The following MAP3K1 variants were observed in gnomAD, a reference collection of about 807,000 sequenced individuals.
The protein encoded by MAP3K1 is MAP/ERK kinase kinase 1.
A neutral mutation model predicts 144.2 loss-of-function variants in MAP3K1; 36 were observed. That is an observed-to-expected ratio of 0.25 (90% CI 0.19 to 0.33). MAP3K1 has a LOEUF of 0.33. Ranked by LOEUF, MAP3K1 falls within the 10% of genes least tolerant of loss-of-function variation. MAP3K1 has a pLI of 1.00. For missense variants in MAP3K1, 1,650 were observed against 1,881.9 expected, an observed-to-expected ratio of 0.88 and a Z score of 2.28; for synonymous variants, 718 against 688.7, an observed-to-expected ratio of 1.04 and a Z score of -0.67.
intron 14 of MAP3K1, among the ~76,000 whole-genome samples, chr5:56,883,258 G>A (rs1047783375): frequency 6.6e-6 from 1 of 152,214 alleles, no homozygotes; most frequent in Admixed American, 6.5e-5. Flanking sequence ...ACATTCAGAA[G>A]CAGAGTTTTC....
intron 1 of MAP3K1, among the ~76,000 whole-genome samples, chr5:56,827,865 A>G (rs1295520735): frequency 1.2e-4 from 16 of 132,378 alleles, no homozygotes; most frequent in Non-Finnish European, 2.5e-4. Flanking sequence ...ACTCCATCTC[A>G]AAAAAAAAAA....
In MAP3K1 at chr5:56,871,826, T is replaced by TA. The variant is rs1372965212; in HGVS notation, c.1302-82dup. ...AAGAATTTCTAATGTATTTATATTC[T>TA]AAGCAAGCAGAAAGTGTTTTTAGCA... On this transcript the variant is annotated intron_variant, in intron 6 of 19. Transcript: ENST00000399503. 2.3e-6 allele frequency: 3 copies of TA among 1,295,090 alleles called. No homozygotes were observed. The African/African-American group carries it at 4.4e-5, about 19-fold the overall frequency. 80.2% of individuals were successfully genotyped at this position (1,295,090 alleles called of 1,614,324 possible). A position where few individuals can be genotyped will look rare whatever the true frequency, so the allele number is the denominator to read the frequency against.
chr5:56,840,133 C>T (rs914906760), intron 1 of MAP3K1, among the ~76,000 whole-genome samples: 16 of 151,990 alleles, frequency 1.1e-4, no homozygotes, highest in African/African-American at 3.9e-4. Flanking sequence ...CTTAAATAAG[C>T]GTTTTGTTTG....
chr5:56,849,624 T>G (rs1037080931), intron 1 of MAP3K1, among the ~76,000 whole-genome samples: 1 of 152,190 alleles, frequency 6.6e-6, no homozygotes, highest in Admixed American at 6.5e-5. Context: ...GATGGAAGAT[T>G]CGCCCTTCCA....
intron 10 of MAP3K1, among the ~76,000 whole-genome samples, chr5:56,877,285 GTGTTACTCT>G (rs1365168260): frequency 6.6e-6 from 1 of 152,136 alleles, no homozygotes; most frequent in Non-Finnish European, 1.5e-5. Flanking sequence ...AGCCTTTGCT[GTGTTACTCT>G]TTTTGTACAC....
Position 56,828,809 on chromosome 5 carries a change from TA to T in MAP3K1, c.482+12760del, listed in dbSNP as rs201457362. ...AAGGGACATTTTTGGATATAACCTC[TA>T]AAAAAGCTTCTTCTTTGACTTCTTC... On this transcript the variant is annotated intron_variant, in intron 1 of 19. Coordinates refer to ENST00000399503, the MANE Select transcript of MAP3K1 (RefSeq NM_005921.2). Among the ~76,000 whole-genome samples, 1,111 of 152,284 alleles carry T rather than the reference TA, an allele frequency of 7.3e-3. 21 individuals carry two copies. The highest frequency in any genetic ancestry group is 0.024 in the African/African-American group (1,012 of 41,552).
intron 19 of MAP3K1, among the ~76,000 whole-genome samples, chr5:56,892,975 TTAAA>T (rs1748592493): frequency 3.5e-5 from 1 of 28,176 alleles, no homozygotes; most frequent in Non-Finnish European, 1.0e-4. Context: ...TTCTTTTTTT[TTAAA>T]AAAAAAGTAT....
chr5:56,822,917 G>A (rs1746197666), intron 1 of MAP3K1, among the ~76,000 whole-genome samples: 1 of 152,052 alleles, frequency 6.6e-6, no homozygotes, highest in African/African-American at 2.4e-5. Context: ...CCATCCTTAG[G>A]TGCTGGCAGT....
At chr5:56,847,066 T>G (rs1364867268) in intron 1 of MAP3K1, among the ~76,000 whole-genome samples, 2 of 152,250 alleles carry the variant, frequency 1.3e-5, no homozygotes, top group African/African-American at 4.8e-5. Context: ...CTTATTTTCT[T>G]TCTGGAACTA....
intron 3 of MAP3K1, among the ~76,000 whole-genome samples, chr5:56,860,840 C>T (rs913614084): frequency 1.3e-5 from 2 of 150,582 alleles, no homozygotes; most frequent in South Asian, 4.2e-4. Context: ...GCGACAACAG[C>T]GAAACTCCAT....
At chr5:56,865,265 G>T in intron 4 of MAP3K1, 75 bp from the exon 5 acceptor site, 1 of 887,342 alleles carries the variant, frequency 1.1e-6, no homozygotes, top group Non-Finnish European at 1.9e-6. Context: ...TGGAAATATT[G>T]TAAAAGTGAT....
At chr5:56,873,830 A>T (rs1747934919) in intron 9 of MAP3K1, among the ~76,000 whole-genome samples, 1 of 152,174 alleles carries the variant, frequency 6.6e-6, no homozygotes. Context: ...GCATATTAGC[A>T]ACCCATTTAT....
At chr5:56,890,443 C>T (rs1480804941) in intron 19 of MAP3K1, among the ~76,000 whole-genome samples, 1 of 152,162 alleles carries the variant, frequency 6.6e-6, no homozygotes, top group African/African-American at 2.4e-5. Context: ...CACCCCAAAG[C>T]TTTCTCAAAC....
In MAP3K1 at chr5:56,881,061, A is replaced by C; in HGVS notation, c.2180-22A>C. 2.5e-6 allele frequency: 4 copies of C among 1,581,140 alleles called. No individual in the cohort carries two copies. In the South Asian group the frequency reaches 4.5e-5, roughly 18 times the overall value. The stretch of plus-strand genomic sequence containing the variant: ...TAATATCACTATTTTTTAATCATTT[A>C]TTTTTACTTTCCTTTTTGTAGGATC... On this transcript the variant is annotated intron_variant, in intron 12 of 19. Coordinates refer to ENST00000399503, the MANE Select transcript of MAP3K1 (RefSeq NM_005921.2).
At chr5:56,863,538 ATTAG>A (rs1265741872) in intron 3 of MAP3K1, among the ~76,000 whole-genome samples, 6 of 152,176 alleles carry the variant, frequency 3.9e-5, no homozygotes, top group African/African-American at 1.4e-4. Flanking sequence ...TTGTTTATCT[ATTAG>A]TTGATGGACA....
At chr5:56,875,453 A>C in intron 10 of MAP3K1, 143 bp downstream of exon 10, 1 of 844,712 alleles carries the variant, frequency 1.2e-6, no homozygotes, top group Non-Finnish European at 1.9e-6. Context: ...AATTCCAGGA[A>C]ATTACAGCTT....
Position 56,815,899 on chromosome 5 carries a change from C to G in MAP3K1, c.326C>G (p.Ala109Gly). 1 of 1,307,920 alleles carries G rather than the reference C, an allele frequency of 7.6e-7. No homozygotes were observed. The highest frequency in any genetic ancestry group is 3.7e-5 in the Admixed American group (1 of 26,930). The allele number at this position is 1,307,920 out of a possible 1,614,324, so 81.0% of individuals were successfully genotyped here. ...AGSGTGFQPV[A>G]VPPPHGAASR... ...AGTGGGACCGGCTTCCAGCCTGTGG[C>G]GGTGCCGCCGCCCCACGGAGCCGCG... The change falls in exon 1 of 20, where the codon GCG (alanine) becomes GGG (glycine). Residue 109 changes from alanine (A) to glycine (G), a missense_variant. Physicochemically the swap from Ala to Gly is moderately conservative, Grantham distance 60 (BLOSUM62 0). Coordinates refer to ENST00000399503, the MANE Select transcript of MAP3K1 (RefSeq NM_005921.2).
chr5:56,852,577 T>C (rs1274152253), intron 1 of MAP3K1, among the ~76,000 whole-genome samples: 1 of 152,204 alleles, frequency 6.6e-6, no homozygotes, highest in African/African-American at 2.4e-5. Context: ...GTGCTTAAGT[T>C]TCTCTTATTT....
intron 1 of MAP3K1, among the ~76,000 whole-genome samples, chr5:56,821,884 T>C (rs754619723): frequency 2.3e-4 from 35 of 152,248 alleles, no homozygotes; most frequent in Non-Finnish European, 4.6e-4. Flanking sequence ...TTAACATGAA[T>C]TAATTTTCCA....
Sources: allele counts gnomAD v4.1 joint callset (sites outside exome capture counted in the v4.1 genomes callset), GRCh38; gene constraint gnomAD v4.1.1; transcripts MANE v1.5; gene names NCBI Gene and HGNC (gene_info 2026-07-23, HGNC 2026-07-21).